The following SELENOH variants were observed in gnomAD, a reference collection of about 807,000 sequenced individuals.
SELENOH encodes the protein selenoprotein H, also known as chromosome 11 open reading frame 31.
Under a neutral mutation model 11.9 loss-of-function variants are expected in SELENOH, and 13 were observed. That is an observed-to-expected ratio of 1.09 (90% confidence interval 0.71 to 1.74). The LOEUF (loss-of-function observed/expected upper bound fraction) is 1.74. Ranked by LOEUF, SELENOH falls within the 40% of genes most tolerant of loss-of-function variation. The pLI, the probability that SELENOH is intolerant of heterozygous loss-of-function variation, is 0.00. For synonymous variants in SELENOH, 96 were observed against 73.5 expected, an observed-to-expected ratio of 1.31 and a Z score of -1.56; for missense variants, 223 against 170.3, an observed-to-expected ratio of 1.31 and a Z score of -1.72.
chr11:57,741,564 C>T lies in SELENOH; in HGVS notation c.-32C>T. 8.0e-7 allele frequency: 1 copy of T among 1,252,358 alleles called. No homozygotes were observed. Among genetic ancestry groups the T allele is most frequent in the Non-Finnish European group, 1.0e-6 (1 of 991,724 alleles). 77.6% of individuals were successfully genotyped at this position (1,252,358 alleles called of 1,614,324 possible). A position where few individuals can be genotyped will look rare whatever the true frequency, so the allele number is the denominator to read the frequency against. The stretch of plus-strand genomic sequence containing the variant: ...GCGTCTCCGCCCCCCACCCACCAGT[C>T]CCGCTGCATTCTCGGCCGGGCTCTA... On this transcript the variant is annotated 5_prime_UTR_variant, in exon 1 of 4. Coordinates refer to ENST00000534355, the MANE Select transcript of SELENOH (RefSeq NM_170746.4).
At position 57,742,119 on chromosome 11, in the gene SELENOH, G is replaced by T; in HGVS notation, c.271G>T (p.Ala91Ser). 1 of 1,610,478 alleles carries T rather than the reference G, an allele frequency of 6.2e-7. No homozygotes were observed. Among genetic ancestry groups the T allele is most frequent in the South Asian group, 1.1e-5 (1 of 90,230 alleles). Reference sequence around the variant, plus strand: ...TTCGCTTCATTCTGGCCTTTCAGGTGCGGAGCTCTGGACTGGGATTAAGAA... The same window carrying T: ...TTCGCTTCATTCTGGCCTTTCAGGTTCGGAGCTCTGGACTGGGATTAAGAA... ...VTLLRPDGSS[A>S]ELWTGIKKGP... Residue 91 changes from alanine to serine, a missense_variant and splice_region_variant, in exon 3 of 4, where the codon GCG becomes TCG. Physicochemically the swap from Ala to Ser is moderately conservative, Grantham distance 99 (BLOSUM62 1). Transcript: ENST00000534355.
chr11:57,742,467 G>T, intron 3 of SELENOH: 1 of 489,630 alleles, frequency 2.0e-6, no homozygotes, highest in Non-Finnish European at 3.7e-6. Flanking sequence ...TGTGCCCTAA[G>T]TGGAATTTAT....
Position 57,741,974 on chromosome 11 carries a change from T to TG in SELENOH, c.268+25dup, listed in dbSNP as rs749545376. The TG allele has an allele frequency of 6.3e-7, 1 of 1,581,278 alleles. No homozygotes were observed. The highest frequency in any genetic ancestry group is 8.6e-7 in the Non-Finnish European group (1 of 1,166,522). On this transcript the variant is annotated intron_variant, in intron 2 of 3. Coordinates refer to ENST00000534355, the MANE Select transcript of SELENOH (RefSeq NM_170746.4). ...GCAGCAGTAAGTGGGGACCTGGATG[T>TG]GGGGGAGAGGGACGTGGGTGAAAGG...
intron 3 of SELENOH, 149 bp downstream of exon 3, chr11:57,742,396 C>A: frequency 1.6e-6 from 1 of 609,312 alleles, no homozygotes. Flanking sequence ...ATGGCCAACA[C>A]AGGGAGACCC....
chr11:57,741,585 C>T lies in SELENOH; in HGVS notation c.-11C>T, dbSNP rs575638559. On this transcript the variant is annotated 5_prime_UTR_variant, in exon 1 of 4. Coordinates refer to ENST00000534355, the MANE Select transcript of SELENOH (RefSeq NM_170746.4). The stretch of plus-strand genomic sequence containing the variant: ...CAGTCCCGCTGCATTCTCGGCCGGG[C>T]TCTAGGCGCCATGGCTCCCCGCGGG... 9 of 1,263,386 alleles carry T rather than the reference C, an allele frequency of 7.1e-6. No homozygotes were observed. In the East Asian group the frequency reaches 2.1e-4, roughly 30 times the overall value. The allele number at this position is 1,263,386 out of a possible 1,614,324, so 78.3% of individuals were successfully genotyped here.
At chr11:57,741,753 A>G in intron 1 of SELENOH, 36 bp downstream of exon 1, 2 of 1,598,800 alleles carry the variant, frequency 1.3e-6, no homozygotes, top group East Asian at 2.2e-5. Flanking sequence ...GAGAGGGAAC[A>G]GTGGCGCCGG....
rs1949103929 is a variant in SELENOH, at chr11:57,742,271, G to A, written c.*30+24G>A. 4.0e-6 allele frequency: 6 copies of A among 1,488,266 alleles called. No homozygotes were observed. In the East Asian group the frequency reaches 7.2e-5, roughly 18 times the overall value. 92.2% of individuals were successfully genotyped at this position (1,488,266 alleles called of 1,614,324 possible). A position where few individuals can be genotyped will look rare whatever the true frequency, so the allele number is the denominator to read the frequency against. On this transcript the variant is annotated intron_variant, in intron 3 of 3. Transcript: ENST00000534355. ...AGGTTTGAAATGGGAAGTGGGGGGC[G>A]CGACCGCTGTTGAGGAAGAGAAGGC...
At chr11:57,742,372 C>T (rs1167828619) in intron 3 of SELENOH, 125 bp downstream of exon 3, 2 of 687,504 alleles carry the variant, frequency 2.9e-6, no homozygotes, top group Admixed American at 2.8e-5. Flanking sequence ...TCTGGGAGGT[C>T]GAGGCAGGAG....
At chr11:57,742,313 C>T in intron 3 of SELENOH, 66 bp downstream of exon 3, 1 of 1,206,026 alleles carries the variant, frequency 8.3e-7, no homozygotes, top group Non-Finnish European at 1.2e-6. Flanking sequence ...CTTGGTGTGG[C>T]TACAAGTACC....
rs1314692804 is a variant in SELENOH, at chr11:57,741,836, C to G, written c.150C>G (p.Asn50Lys). Reference sequence around the variant, plus strand: ...CTAGCTGACGCGTCTATGGGCGCAACGCCGCGGCCCTGAGCCAGGCGCTGC... The same window carrying G: ...CTAGCTGACGCGTCTATGGGCGCAAGGCCGCGGCCCTGAGCCAGGCGCTGC... The part of the protein sequence containing the change: ...HCTSURVYGR[N>K]AAALSQALRL... The change falls in exon 2 of 4, where the codon AAC becomes AAG. Residue 50 changes from asparagine to lysine, a missense_variant. Coordinates refer to ENST00000534355, the MANE Select transcript of SELENOH (RefSeq NM_170746.4). 1.2e-6 allele frequency: 2 copies of G among 1,606,082 alleles called. No homozygotes were observed. Among genetic ancestry groups the G allele is most frequent in the Non-Finnish European group, 1.7e-6 (2 of 1,176,688 alleles).
At position 57,741,910 on chromosome 11, in the gene SELENOH, G is replaced by A. The variant is rs1269855249; in HGVS notation, c.224G>A (p.Arg75Gln). 1.3e-6 allele frequency: 2 copies of A among 1,593,842 alleles called. No homozygotes were observed. The highest frequency in any genetic ancestry group is 1.7e-6 in the Non-Finnish European group (2 of 1,174,476). ...GTAAAGGTGAACCCGACGAAGCCCC[G>A]GAGGGGCAGCTTCGAGGTGACGCTG... Reference protein sequence around the residue: ...LPVKVNPTKPRRGSFEVTLLR... With the variant: ...LPVKVNPTKPQRGSFEVTLLR... Residue 75 changes from arginine (R) to glutamine (Q), a missense_variant, in exon 2 of 4, where the codon CGG (arginine) becomes CAG (glutamine). Physicochemically the swap from Arg to Gln is conservative, Grantham distance 43. Coordinates refer to ENST00000534355, the MANE Select transcript of SELENOH (RefSeq NM_170746.4).
chr11:57,742,371 T>G (rs1949107544), intron 3 of SELENOH, 124 bp downstream of exon 3: 1 of 693,738 alleles, frequency 1.4e-6, no homozygotes, highest in Non-Finnish European at 2.4e-6. Flanking sequence ...CTCTGGGAGG[T>G]CGAGGCAGGA....
chr11:57,741,976 G>A (rs770931441), intron 2 of SELENOH, 22 bp downstream of exon 2: 4 of 1,582,398 alleles, frequency 2.5e-6, no homozygotes, highest in Non-Finnish European at 3.4e-6. Flanking sequence ...CCTGGATGTG[G>A]GGGAGAGGGA....
In SELENOH at chr11:57,741,643, C is replaced by T. The variant is rs769332708; in HGVS notation, c.48C>T (p.Ala16=). 6.5e-6 allele frequency: 9 copies of T among 1,380,666 alleles called. No individual in the cohort carries two copies. The highest frequency in any genetic ancestry group is 5.7e-5 in the East Asian group (2 of 35,208). The allele number at this position is 1,380,666 out of a possible 1,614,324, so 85.5% of individuals were successfully genotyped here. ...GTAAGGCTGAGGCCGCGGTGGTCGC[C>T]GTAGCCGAGAAGCGAGAGAAGCTGG... ...RKRKAEAAVV[A]VAEKREKLAN... Residue 16 remains alanine (A), a synonymous_variant, in exon 1 of 4, where the codon GCC becomes GCT. Transcript: ENST00000534355.
intron 1 of SELENOH, 32 bp from the exon 2 acceptor site, chr11:57,741,777 C>T (rs1390035612): frequency 1.9e-6 from 3 of 1,601,360 alleles, no homozygotes; most frequent in Non-Finnish European, 2.6e-6. Context: ...GGGCCAGGGG[C>T]CCCGGTTTCT....
intron 1 of SELENOH, 41 bp downstream of exon 1, chr11:57,741,758 C>A (rs1357754418): frequency 5.0e-6 from 8 of 1,598,294 alleles, no homozygotes; most frequent in East Asian, 2.2e-5. Context: ...GGAACAGTGG[C>A]GCCGGGGGGG....
In SELENOH at chr11:57,741,771, CA is replaced by C. The variant is rs778389647; in HGVS notation, c.123-37del. ...AGGGAACAGTGGCGCCGGGGGGGGC[CA>C]GGGGCCCCGGTTTCTAACCTCTCCG... On this transcript the variant is annotated intron_variant, in intron 1 of 3. Transcript: ENST00000534355. The C allele has an allele frequency of 2.4e-4, 389 of 1,601,480 alleles. 2 individuals are homozygous for C. The African/African-American group carries it at 4.6e-3, about 19-fold the overall frequency.
At position 57,742,238 on chromosome 11, in the gene SELENOH, T is replaced by C; in HGVS notation, c.*21T>C. On this transcript the variant is annotated 3_prime_UTR_variant, in exon 3 of 4. Coordinates refer to ENST00000534355, the MANE Select transcript of SELENOH (RefSeq NM_170746.4). ...CGTAGGGAGATTTGGGTAGAAGCCCTCATGCTGAGGTTTGAAATGGGAAGT... is the reference window on the plus strand; with the variant it reads ...CGTAGGGAGATTTGGGTAGAAGCCCCCATGCTGAGGTTTGAAATGGGAAGT... The C allele has an allele frequency of 1.3e-6, 2 of 1,584,396 alleles. No homozygotes were observed. The highest frequency in any genetic ancestry group is 1.7e-6 in the Non-Finnish European group (2 of 1,161,450).
In SELENOH at chr11:57,742,098, C is replaced by T. The variant is rs1419030409; in HGVS notation, c.269-19C>T. 2 of 1,604,806 alleles carry T rather than the reference C, an allele frequency of 1.2e-6. No individual in the cohort carries two copies. Among genetic ancestry groups the T allele is most frequent in the Admixed American group, 3.4e-5 (2 of 58,376 alleles). ...TGGGTTCCGAAGTATTGTAACTTCG[C>T]TTCATTCTGGCCTTTCAGGTGCGGA... On this transcript the variant is annotated intron_variant, in intron 2 of 3. Transcript: ENST00000534355.
Sources: allele counts gnomAD v4.1 joint callset, GRCh38; gene constraint gnomAD v4.1.1; transcripts MANE v1.5; gene names NCBI Gene and HGNC (gene_info 2026-07-23, HGNC 2026-07-21).